Variants in THADA observed in about 807,000 individuals in gnomAD.
THADA encodes the protein tRNA (32-2'-O)-methyltransferase regulator THADA.
THADA carries 213 observed loss-of-function variants against 219.8 expected under a neutral mutation model. The ratio of observed to expected loss-of-function variants is 0.97; its 90% confidence interval spans 0.87 to 1.09. THADA has a LOEUF of 1.09. Among genes scored for constraint, THADA ranks in the 50% least tolerant of loss-of-function variants. THADA has a pLI of 0.00. For synonymous variants in THADA, 1,018 were observed against 828.9 expected (o/e 1.23, Z -3.92); for missense variants, 2,956 against 2,311.3 (o/e 1.28, Z -5.72).
chr2:43,248,154 TATATATATATAGAGAGAG>T (rs1163409834), intron 36 of THADA, among the ~76,000 whole-genome samples: 568 of 84,952 alleles, frequency 6.7e-3, no homozygotes, highest in South Asian at 0.011. Context: ...TATATATATA[TATATATATATAGAGAGAG>T]AGAGAGAGAG....
chr2:43,306,157 C>G (rs775781170), intron 31 of THADA, among the ~76,000 whole-genome samples: 1 of 152,052 alleles, frequency 6.6e-6, no homozygotes, highest in Non-Finnish European at 1.5e-5. Context: ...ACTACAGGCA[C>G]GAGCCCCCAT....
intron 14 of THADA, among the ~76,000 whole-genome samples, chr2:43,569,554 A>C (rs540359874): frequency 1.7e-4 from 26 of 152,286 alleles, no homozygotes; most frequent in Admixed American, 1.1e-3. Context: ...GGTCGAAGCT[A>C]ATTTTACCCT....
intron 29 of THADA, among the ~76,000 whole-genome samples, chr2:43,380,530 C>G (rs1001130378): frequency 2.6e-5 from 4 of 152,270 alleles, no homozygotes; most frequent in African/African-American, 9.6e-5. Flanking sequence ...AGTATGAACT[C>G]TTGTTTAGCT....
intron 29 of THADA, among the ~76,000 whole-genome samples, chr2:43,390,485 T>C (rs926710470): frequency 6.6e-6 from 1 of 152,218 alleles, no homozygotes; most frequent in Non-Finnish European, 1.5e-5. Context: ...TGTCTTGTGA[T>C]AGAATTTTGC....
intron 26 of THADA, among the ~76,000 whole-genome samples, chr2:43,459,476 AAC>A (rs1683383207): frequency 6.6e-6 from 1 of 152,186 alleles, no homozygotes; most frequent in Non-Finnish European, 1.5e-5. Context: ...TTGAAGATAA[AAC>A]ACTGAATGAG....
intron 30 of THADA, among the ~76,000 whole-genome samples, chr2:43,328,418 G>C (rs1679577651): frequency 6.6e-6 from 1 of 152,200 alleles, no homozygotes; most frequent in African/African-American, 2.4e-5. Context: ...TTGGTCTGGA[G>C]CTTTGTGAGT....
rs1264663121 is a variant in THADA at position 43,291,781 on chromosome 2, A to G, written c.4938-13T>C. On this transcript the variant is annotated splice_polypyrimidine_tract_variant and intron_variant, in intron 33 of 37. Transcript: ENST00000405975. ...CTGAATTTCAGATCTAGAAAAATAA[A>G]CAAACAAAAAAACAACACAAAATTA... The G allele has an allele frequency of 2.0e-5, 30 of 1,536,952 alleles. No homozygotes were observed. The highest frequency in any genetic ancestry group is 2.5e-5 in the Non-Finnish European group (29 of 1,139,998).
chr2:43,569,346 G>A (rs1039887033), intron 14 of THADA, among the ~76,000 whole-genome samples: 30 of 152,202 alleles, frequency 2.0e-4, no homozygotes, highest in Non-Finnish European at 4.3e-4. Flanking sequence ...TTTTAGCTAA[G>A]ATCAAGTGGA....
rs760191176 is a variant in THADA, at chr2:43,581,808, A to T, written c.654T>A (p.Thr218=). ...TATTTTGCCATATGGGAGAATCGGA[A>T]GTCTTCCAAAGATTTCCCTGGAAAT... ...VQDFQGNLWK[T]SDSPIWQNMC... Residue 218 remains threonine (T), a synonymous_variant, in exon 8 of 38, where the codon ACT becomes ACA. Transcript: ENST00000405975. The T allele has an allele frequency of 6.2e-7, 1 of 1,613,088 alleles. No homozygotes were observed. The highest frequency in any genetic ancestry group is 1.1e-5 in the South Asian group (1 of 90,896).
In THADA at chr2:43,566,815, T is replaced by C; in HGVS notation, c.2194A>G (p.Met732Val). 7.1e-7 allele frequency: 1 copy of C among 1,402,082 alleles called. No homozygotes were observed. The highest frequency in any genetic ancestry group is 9.3e-7 in the Non-Finnish European group (1 of 1,075,780). The allele number at this position is 1,402,082 out of a possible 1,614,324, so 86.9% of individuals were successfully genotyped here. ...SVSLQQYKNF[M>V]SSICNSLFEA... is the part of the protein sequence containing the mutation. ...AAAAGACTGTTACAAATGGATGACATGAAATTCTTAAAAAAAAAAAAAAAA... is the reference window on the plus strand; with the variant it reads ...AAAAGACTGTTACAAATGGATGACACGAAATTCTTAAAAAAAAAAAAAAAA... Residue 732 changes from methionine to valine, a missense_variant, in exon 15 of 38, where the codon ATG (methionine) becomes GTG (valine). By Grantham distance (21) the Met-to-Val change is conservative. Transcript: ENST00000405975.
chr2:43,450,231 GTAT>G (rs1436533814), intron 26 of THADA, among the ~76,000 whole-genome samples: 4 of 152,106 alleles, frequency 2.6e-5, no homozygotes, highest in African/African-American at 7.2e-5. Flanking sequence ...TTAAAAACCA[GTAT>G]TATTATAACT....
intron 29 of THADA, among the ~76,000 whole-genome samples, chr2:43,379,215 A>C (rs1671725188): frequency 6.6e-6 from 1 of 152,204 alleles, no homozygotes; most frequent in Admixed American, 6.5e-5. Context: ...AAATAAGGAT[A>C]ATATCTTTAA....
At chr2:43,243,702 A>C (rs1193490660) in intron 36 of THADA, among the ~76,000 whole-genome samples, 2 of 152,162 alleles carry the variant, frequency 1.3e-5, no homozygotes, top group African/African-American at 4.8e-5. Flanking sequence ...TGAGGGGAAA[A>C]TGTGATTCCA....
Position 43,586,438 on chromosome 2 carries a change from G to T in THADA, c.496C>A (p.Leu166Met). 1 of 1,578,624 alleles carries T rather than the reference G, an allele frequency of 6.3e-7. No individual in the cohort carries two copies. Among genetic ancestry groups the T allele is most frequent in the Non-Finnish European group, 8.6e-7 (1 of 1,163,184 alleles). ...NNLLKNVLHFLQKSLIEILEE... is the reference protein window; with the variant it reads ...NNLLKNVLHFMQKSLIEILEE... Reference sequence around the variant, plus strand: ...AGGATTTCAATTAAACTCTTCTGCAGAAAATGAAGCACTGAAACAAAAAGA... The same window carrying T: ...AGGATTTCAATTAAACTCTTCTGCATAAAATGAAGCACTGAAACAAAAAGA... Residue 166 changes from leucine to methionine, a missense_variant, in exon 7 of 38, where the codon CTG becomes ATG. Physicochemically the swap from Leu to Met is conservative, Grantham distance 15. Transcript: ENST00000405975.
At chr2:43,512,045 T>C (rs13419380) in intron 22 of THADA, among the ~76,000 whole-genome samples, 4 of 152,128 alleles carry the variant, frequency 2.6e-5, no homozygotes, top group African/African-American at 9.7e-5. Context: ...TATTGCATAC[T>C]AAGAACCAAA....
In THADA at chr2:43,398,964, T is replaced by C. The variant is rs117300641; in HGVS notation, c.4059-825A>G. Among the ~76,000 whole-genome samples the C allele has an allele frequency of 2.1e-4, 32 of 152,228 alleles. 1 individual carries two copies. The East Asian group carries it at 6.0e-3, about 29-fold the overall frequency. On this transcript the variant is annotated intron_variant, in intron 28 of 37. Coordinates refer to ENST00000405975, the MANE Select transcript of THADA (RefSeq NM_022065.5). ...AAAGCCAGTTCTTAAATAGTGAAAGTCCTGGACAAGTTATTTTGAGATTCT... is the reference window on the plus strand; with the variant it reads ...AAAGCCAGTTCTTAAATAGTGAAAGCCCTGGACAAGTTATTTTGAGATTCT...
chr2:43,531,245 C>A (rs1174292487), intron 21 of THADA, among the ~76,000 whole-genome samples: 1 of 152,164 alleles, frequency 6.6e-6, no homozygotes, highest in East Asian at 1.9e-4. Flanking sequence ...AGAACTTGAA[C>A]AGGCTATTAC....
At chr2:43,564,845 A>C (rs1698481038) in intron 15 of THADA, 1 of 152,214 alleles carries the variant, frequency 6.6e-6, no homozygotes, top group Non-Finnish European at 1.5e-5. Flanking sequence ...AAACCCTGAG[A>C]CATATTCTTC....
At chr2:43,374,215 C>T (rs763790777) in intron 29 of THADA, among the ~76,000 whole-genome samples, 1 of 152,118 alleles carries the variant, frequency 6.6e-6, no homozygotes, top group Non-Finnish European at 1.5e-5. Context: ...TTGGGGAAAG[C>T]CCAAGAGAAT....
Sources: allele counts gnomAD v4.1 joint callset (sites outside exome capture counted in the v4.1 genomes callset), GRCh38; gene constraint gnomAD v4.1.1; transcripts MANE v1.5; gene names NCBI Gene and HGNC (gene_info 2026-07-23, HGNC 2026-07-21).